The following LIN54 variants were observed in gnomAD, a reference collection of about 807,000 sequenced individuals.
The protein encoded by LIN54 is protein lin-54 homolog.
LIN54 carries 9 observed loss-of-function variants against 78.7 expected under a neutral mutation model. The ratio of observed to expected loss-of-function variants is 0.11; its 90% CI spans 0.07 to 0.20. The LOEUF (loss-of-function observed/expected upper bound fraction) is 0.20. Among genes scored for constraint, LIN54 ranks in the 10% least tolerant of loss-of-function variants. The pLI is 1.00. For synonymous variants in LIN54, 269 were observed against 318.4 expected (o/e 0.84, Z 1.65); for missense variants, 573 against 889.9 (o/e 0.64, Z 4.53).
At chr4:82,946,551 C>G (rs187647223) in intron 4 of LIN54, 77 bp from the exon 5 acceptor site, 2 of 1,173,246 alleles carry the variant, frequency 1.7e-6, no homozygotes, top group African/African-American at 1.5e-5. Flanking sequence ...AACCATTGCT[C>G]AAGTTGTAAA....
intron 3 of LIN54, among the ~76,000 whole-genome samples, chr4:82,972,720 C>T (rs371565352): frequency 3.3e-5 from 5 of 152,136 alleles, no homozygotes; most frequent in South Asian, 2.1e-4. Flanking sequence ...CAGTGGCTCA[C>T]GCCTGTAATC....
In LIN54 at chr4:82,960,936, T is replaced by C. The variant is rs184404909; in HGVS notation, c.951+9391A>G. Among the ~76,000 whole-genome samples, 14 of 152,182 alleles carry C rather than the reference T, an allele frequency of 9.2e-5. No individual in the cohort carries two copies. In the East Asian group the frequency reaches 2.7e-3, roughly 29 times the overall value. On this transcript the variant is annotated intron_variant, in intron 4 of 12. Transcript: ENST00000340417. ...ATTAGCTGGGTGTGAGGCATGTGCGTGTATTCCCAGCTACTCAGGAGGCTG... is the reference window on the plus strand; with the variant it reads ...ATTAGCTGGGTGTGAGGCATGTGCGCGTATTCCCAGCTACTCAGGAGGCTG...
At chr4:82,952,960 A>G (rs1723961654) in intron 4 of LIN54, among the ~76,000 whole-genome samples, 1 of 152,184 alleles carries the variant, frequency 6.6e-6, no homozygotes, top group African/African-American at 2.4e-5. Context: ...GACTAAGGAG[A>G]GAAAAGATGA....
chr4:82,966,498 G>A (rs1489596326), intron 4 of LIN54, among the ~76,000 whole-genome samples: 3 of 151,466 alleles, frequency 2.0e-5, no homozygotes, highest in Non-Finnish European at 4.4e-5. Flanking sequence ...TTGCAAACAT[G>A]GAGAATGCCA....
intron 1 of LIN54, among the ~76,000 whole-genome samples, chr4:82,992,316 G>A (rs1278854144): frequency 2.6e-5 from 4 of 152,104 alleles, no homozygotes. Context: ...TCCTCGTAGT[G>A]GTAAACTGTC....
chr4:83,008,942 T>A (rs558578728), intron 1 of LIN54, among the ~76,000 whole-genome samples: 1 of 152,294 alleles, frequency 6.6e-6, no homozygotes, highest in East Asian at 1.9e-4. Context: ...AAATTCTTAG[T>A]CTTACTACTG....
intron 1 of LIN54, among the ~76,000 whole-genome samples, chr4:83,000,186 G>A (rs1179615142): frequency 6.6e-6 from 1 of 152,102 alleles, no homozygotes; most frequent in African/African-American, 2.4e-5. Context: ...GAGCCACCAT[G>A]CCCAGCCCAA....
At chr4:82,997,600 C>T (rs1016937242) in intron 1 of LIN54, among the ~76,000 whole-genome samples, 3 of 151,940 alleles carry the variant, frequency 2.0e-5, no homozygotes, top group Non-Finnish European at 2.9e-5. Flanking sequence ...TTAACCTCAT[C>T]TGAGGATTTT....
intron 1 of LIN54, among the ~76,000 whole-genome samples, chr4:83,008,817 C>G (rs1729625710): frequency 6.6e-6 from 1 of 152,198 alleles, no homozygotes; most frequent in South Asian, 2.1e-4. Context: ...CCAGGACAAT[C>G]TGAAAACTGG....
chr4:82,967,102 T>C (rs998979160), intron 4 of LIN54, among the ~76,000 whole-genome samples: 2 of 151,790 alleles, frequency 1.3e-5, no homozygotes, highest in Non-Finnish European at 2.9e-5. Flanking sequence ...GGCACATGCC[T>C]GTAATCCCAG....
rs560997788 is a variant in LIN54, at chr4:82,926,464, T to C, written c.*1638A>G. On this transcript the variant is annotated 3_prime_UTR_variant, in exon 13 of 13. Transcript: ENST00000340417. The stretch of plus-strand genomic sequence containing the variant: ...GATTACTTAATTTCTATTGCCTATA[T>C]CTTGCATGTTCATATGAACATATAT... 2.6e-5 allele frequency: 4 copies of C among 152,706 alleles called. No homozygotes were observed. The highest frequency in any genetic ancestry group is 4.1e-4 in the South Asian group (2 of 4,828). 9.5% of individuals were successfully genotyped at this position (152,706 alleles called of 1,614,324 possible).
chr4:82,945,143 C>T (rs1462985165), intron 5 of LIN54, among the ~76,000 whole-genome samples: 1 of 152,206 alleles, frequency 6.6e-6, no homozygotes, highest in Non-Finnish European at 1.5e-5. Context: ...GAGTGAGCCA[C>T]AGCGCCTGAT....
At chr4:82,972,689 A>G (rs571201075) in intron 3 of LIN54, among the ~76,000 whole-genome samples, 2 of 152,308 alleles carry the variant, frequency 1.3e-5, no homozygotes, top group Non-Finnish European at 2.9e-5. Context: ...CTTTCAAATA[A>G]TATTCATATA....
intron 1 of LIN54, among the ~76,000 whole-genome samples, chr4:82,992,012 A>C (rs1201484909): frequency 6.6e-6 from 1 of 152,172 alleles, no homozygotes; most frequent in Admixed American, 6.5e-5. Flanking sequence ...TTTTCAGGAA[A>C]AGTTTGCACA....
intron 1 of LIN54, among the ~76,000 whole-genome samples, chr4:83,004,341 GTGAGCCAAGA>G (rs754754368): frequency 2.1e-4 from 30 of 144,292 alleles, no homozygotes; most frequent in Non-Finnish European, 3.9e-4. Flanking sequence ...GGAGGTTGCA[GTGAGCCAAGA>G]TCGCGCCACT....
intron 1 of LIN54, among the ~76,000 whole-genome samples, chr4:83,007,174 A>C (rs1729469963): frequency 6.6e-6 from 1 of 151,982 alleles, no homozygotes. Context: ...TAAATAAATA[A>C]ATAAAAAGAA....
At chr4:82,932,376 G>A (rs1451578682) in intron 11 of LIN54, among the ~76,000 whole-genome samples, 1 of 150,976 alleles carries the variant, frequency 6.6e-6, no homozygotes, top group Non-Finnish European at 1.5e-5. Context: ...GATTACAGAT[G>A]TGAGCCACCG....
intron 4 of LIN54, among the ~76,000 whole-genome samples, chr4:82,953,287 A>T (rs1723997436): frequency 6.6e-6 from 1 of 152,182 alleles, no homozygotes; most frequent in South Asian, 2.1e-4. Flanking sequence ...AGCATGCAAG[A>T]CTGGAACGGG....
At chr4:82,959,125 T>C (rs2168788) in intron 4 of LIN54, among the ~76,000 whole-genome samples, 65,370 of 152,136 alleles carry the variant, frequency 0.43, 16,924 homozygotes, top group Admixed American at 0.58. Context: ...TAATGTAACA[T>C]TCTTATGCTT....
Sources: allele counts gnomAD v4.1 joint callset (sites outside exome capture counted in the v4.1 genomes callset), GRCh38; gene constraint gnomAD v4.1.1; transcripts MANE v1.5; gene names NCBI Gene and HGNC (gene_info 2026-07-23, HGNC 2026-07-21).